IRAG2: variants seen among roughly 807,000 people sequenced by gnomAD.
The protein encoded by IRAG2 is inositol 1,4,5-triphosphate receptor associated 2.
A neutral mutation model predicts 69.9 loss-of-function variants in IRAG2; 45 were observed. That is an observed-to-expected ratio of 0.64 (90% confidence interval 0.51 to 0.83). The LOEUF is 0.83. Among genes scored for constraint, IRAG2 ranks in the 40% least tolerant of loss-of-function variants. IRAG2 has a pLI of 0.00. For synonymous variants in IRAG2, 193 were observed against 202.4 expected (o/e 0.95, Z 0.40); for missense variants, 520 against 587.0 (o/e 0.89, Z 1.18).
chr12:25,089,693 T>C lies in IRAG2; in HGVS notation c.437+16T>C, dbSNP rs372128507. The C allele has an allele frequency of 1.2e-6, 2 of 1,608,566 alleles. No homozygotes were observed. Among genetic ancestry groups the C allele is most frequent in the African/African-American group, 2.7e-5 (2 of 74,828 alleles). Reference sequence around the variant, plus strand: ...AAAGTGAGAAGTAAGTGCTTCTTCATGTAGCATGTTAACATGTTTTATTTT... The same window carrying C: ...AAAGTGAGAAGTAAGTGCTTCTTCACGTAGCATGTTAACATGTTTTATTTT... On this transcript the variant is annotated intron_variant, in intron 12 of 21. Transcript: ENST00000556887.
At chr12:25,010,476 CAA>C (rs11313967) in intron 2 of IRAG2, among the ~76,000 whole-genome samples, 212 of 149,174 alleles carry the variant, frequency 1.4e-3, no homozygotes, top group Middle Eastern at 6.8e-3. Context: ...AAAAAACAAA[CAA>C]AAAAAAAAAA....
rs139509834 is a variant in IRAG2 at position 25,079,606 on chromosome 12, T to C, written c.137-50T>C. On this transcript the variant is annotated intron_variant, in intron 8 of 21. Coordinates refer to ENST00000556887, the MANE Select transcript of IRAG2 (RefSeq NM_001366544.2). Reference sequence around the variant, plus strand: ...GCATAGTATAGTTAAATACACTATATATAATATTATGTGCATAGTATTCGC... The same window carrying C: ...GCATAGTATAGTTAAATACACTATACATAATATTATGTGCATAGTATTCGC... The C allele has an allele frequency of 4.7e-4, 603 of 1,293,872 alleles. 4 individuals are homozygous for C. The African/African-American group carries it at 7.7e-3, about 17-fold the overall frequency. The allele number at this position is 1,293,872 out of a possible 1,614,324, so 80.1% of individuals were successfully genotyped here. A position where few individuals can be genotyped will look rare whatever the true frequency, so the allele number is the denominator to read the frequency against.
Position 25,079,310 on chromosome 12 carries a change from G to A in IRAG2, c.71+20G>A. On this transcript the variant is annotated intron_variant, in intron 7 of 21. Coordinates refer to ENST00000556887, the MANE Select transcript of IRAG2 (RefSeq NM_001366544.2). ...GTCCAGGTTTGCTTGTTTGTGTTGT[G>A]TGTGTGAATTTGTATGCATATTTAG... The A allele has an allele frequency of 6.2e-7, 1 of 1,613,462 alleles. No homozygotes were observed. The highest frequency in any genetic ancestry group is 8.5e-7 in the Non-Finnish European group (1 of 1,179,420).
rs915209910 is a variant in IRAG2, at chr12:25,075,528, G to A, written c.25-3716G>A. ...TTGCTGTGTGTGTGTATGCGTGTGT[G>A]TGTGTGTGTGTGTGTGTGTGTGTGT... is the stretch of plus-strand genomic sequence containing the variant. On this transcript the variant is annotated intron_variant, in intron 6 of 21. Coordinates refer to ENST00000556887, the MANE Select transcript of IRAG2 (RefSeq NM_001366544.2). 3.9e-3 allele frequency among the ~76,000 whole-genome samples: 524 copies of A among 134,428 alleles called. 2 individuals are homozygous for A. The highest frequency in any genetic ancestry group is 0.015 in the African/African-American group (501 of 32,408). 88.2% of individuals were successfully genotyped at this position (134,428 alleles called of 152,430 possible). A position where few individuals can be genotyped will look rare whatever the true frequency, so the allele number is the denominator to read the frequency against.
At chr12:25,005,018 A>G (rs1944420136) in intron 1 of IRAG2, 1 of 757,526 alleles carries the variant, frequency 1.3e-6, no homozygotes, top group African/African-American at 1.8e-5. Flanking sequence ...TAAAGTTTGG[A>G]TGGAATCATC....
At chr12:25,076,618 A>G in intron 6 of IRAG2, 1 of 982,774 alleles carries the variant, frequency 1.0e-6, no homozygotes, top group Non-Finnish European at 1.2e-6. Flanking sequence ...TTTCTTAAAT[A>G]TGAATACCCA....
intron 16 of IRAG2, chr12:25,101,982 G>A: frequency 1.5e-6 from 1 of 679,284 alleles, no homozygotes; most frequent in South Asian, 1.5e-5. Context: ...AGGCATTATG[G>A]ACATCACAGT....
At chr12:25,034,530 T>C (rs529529914) in intron 13 of IRAG2, among the ~76,000 whole-genome samples, 31 of 152,246 alleles carry the variant, frequency 2.0e-4, no homozygotes, top group Non-Finnish European at 4.6e-4. Flanking sequence ...CTTTATAACA[T>C]GGGAAGAAAT....
Position 25,099,134 on chromosome 12 carries a change from G to A in IRAG2, c.742-2044G>A, listed in dbSNP as rs1948599404. Among the ~76,000 whole-genome samples the A allele has an allele frequency of 2.0e-5, 3 of 152,036 alleles. No individual in the cohort carries two copies. In the South Asian group the frequency reaches 6.2e-4, roughly 32 times the overall value. Reference sequence around the variant, plus strand: ...CCTGTGATCCCTTGCAGTCACCTGAGGACTCTCAAATTCATATGTTTAGCC... The same window carrying A: ...CCTGTGATCCCTTGCAGTCACCTGAAGACTCTCAAATTCATATGTTTAGCC... On this transcript the variant is annotated intron_variant, in intron 15 of 21. Coordinates refer to ENST00000556887, the MANE Select transcript of IRAG2 (RefSeq NM_001366544.2).
intron 5 of IRAG2, among the ~76,000 whole-genome samples, chr12:25,068,679 A>G (rs1415559304): frequency 6.6e-6 from 1 of 152,128 alleles, no homozygotes; most frequent in African/African-American, 2.4e-5. Context: ...GGAAATTTCA[A>G]GAGATTCAGG....
intron 12 of IRAG2, chr12:25,033,830 G>GT (rs1366244208): frequency 2.5e-6 from 1 of 398,720 alleles, no homozygotes; most frequent in Non-Finnish European, 4.4e-6. Flanking sequence ...CTAGACTATT[G>GT]TTTTTGTTTT....
chr12:25,044,667 G>A (rs1459857890), intron 16 of IRAG2, among the ~76,000 whole-genome samples: 1 of 152,024 alleles, frequency 6.6e-6, no homozygotes, highest in Non-Finnish European at 1.5e-5. Context: ...ACTGTCATAA[G>A]AGACAAAGAA....
chr12:25,096,688 A>G (rs1948439783), intron 14 of IRAG2, among the ~76,000 whole-genome samples: 1 of 152,224 alleles, frequency 6.6e-6, no homozygotes, highest in African/African-American at 2.4e-5. Flanking sequence ...GGGATCAAGA[A>G]TAGACATAAA....
Position 25,104,348 on chromosome 12 carries a change from C to T in IRAG2, c.1047-13C>T. ...ATTTGATTTGACAAGTGGCTATAAT[C>T]ATCTTTATTTAGGCGTATTTTGGGG... On this transcript the variant is annotated splice_polypyrimidine_tract_variant and intron_variant, in intron 19 of 21. Coordinates refer to ENST00000556887, the MANE Select transcript of IRAG2 (RefSeq NM_001366544.2). 4 of 1,538,492 alleles carry T rather than the reference C, an allele frequency of 2.6e-6. No individual in the cohort carries two copies. The highest frequency in any genetic ancestry group is 2.7e-6 in the Non-Finnish European group (3 of 1,111,172).
At chr12:25,099,268 T>TC (rs1260088042) in intron 15 of IRAG2, among the ~76,000 whole-genome samples, 1 of 152,042 alleles carries the variant, frequency 6.6e-6, no homozygotes, top group East Asian at 1.9e-4. Context: ...CTGTTCATGG[T>TC]CCCCCCACCA....
intron 15 of IRAG2, among the ~76,000 whole-genome samples, chr12:25,099,802 C>G (rs916081582): frequency 1.3e-5 from 2 of 151,716 alleles, no homozygotes; most frequent in Non-Finnish European, 2.9e-5. Context: ...GAGTTTGAGA[C>G]CAGCCTGGCC....
At chr12:25,082,040 G>A (rs1278560783) in intron 9 of IRAG2, among the ~76,000 whole-genome samples, 1 of 152,076 alleles carries the variant, frequency 6.6e-6, no homozygotes, top group Non-Finnish European at 1.5e-5. Context: ...GACTACGGGT[G>A]CAAGCCACCA....
At chr12:25,060,341 C>T (rs2139958193) in intron 1 of IRAG2, among the ~76,000 whole-genome samples, 1 of 152,234 alleles carries the variant, frequency 6.6e-6, no homozygotes, top group African/African-American at 2.4e-5. Context: ...CATCAAAGAG[C>T]TAGTTAAATA....
At chr12:25,046,800 G>A (rs61914766) in intron 16 of IRAG2, among the ~76,000 whole-genome samples, 58,282 of 151,864 alleles carry the variant, frequency 0.38, 11,548 homozygotes, top group South Asian at 0.49. Flanking sequence ...AATTCCAATC[G>A]CATTTTTTTA....
Sources: allele counts gnomAD v4.1 joint callset (sites outside exome capture counted in the v4.1 genomes callset), GRCh38; gene constraint gnomAD v4.1.1; transcripts MANE v1.5; gene names NCBI Gene and HGNC (gene_info 2026-07-23, HGNC 2026-07-21).